The following ZNF737 variants were observed in gnomAD, a reference collection of about 807,000 sequenced individuals.
ZNF737 encodes zinc finger protein 102 (Y3).
ZNF737 carries 13 observed loss-of-function variants against 11.7 expected under a neutral mutation model. That is an observed-to-expected ratio of 1.11 (90% CI 0.73 to 1.77). ZNF737 has a LOEUF of 1.77. Among genes scored for constraint, ZNF737 ranks in the 40% most tolerant of loss-of-function variants. ZNF737 has a pLI of 0.00. For synonymous variants in ZNF737, 217 were observed against 216.2 expected (o/e 1.00, Z -0.03); for missense variants, 636 against 638.0 (o/e 1.00, Z 0.03).
At chr19:20,533,020 C>G (rs1262704805), downstream of ZNF737, among the ~76,000 whole-genome samples, 5 of 150,062 alleles carry the variant, frequency 3.3e-5, 2 homozygotes, top group African/African-American at 1.2e-4. Flanking sequence ...GATGAAAGTT[C>G]TAAAGAGAAA....
chr19:20,530,304 G>A, the ZNF737 span, among the ~76,000 whole-genome samples: 2 of 136,328 alleles, frequency 1.5e-5, no homozygotes, highest in Non-Finnish European at 3.2e-5. Flanking sequence ...AGCTGGCCGG[G>A]CGGGGGGCTG....
chr19:20,542,572 T>C lies in ZNF737; in HGVS notation c.*2020A>G, dbSNP rs771716734. On this transcript the variant is annotated 3_prime_UTR_variant, in exon 4 of 4. Transcript: ENST00000427401. Reference sequence around the variant, plus strand: ...TGCACTGCATTTTATTACATAAAAGTACAAGTAGTAAAGTAATATACTCAT... The same window carrying C: ...TGCACTGCATTTTATTACATAAAAGCACAAGTAGTAAAGTAATATACTCAT... 7.1e-5 allele frequency: 70 copies of C among 981,180 alleles called. No individual in the cohort carries two copies. Among genetic ancestry groups the C allele is most frequent in the Non-Finnish European group, 8.5e-5 (70 of 826,422 alleles). The allele number at this position is 981,180 out of a possible 1,614,324, so 60.8% of individuals were successfully genotyped here.
In ZNF737 at chr19:20,542,717, T is replaced by C; in HGVS notation, c.*1875A>G. 8 of 984,572 alleles carry C rather than the reference T, an allele frequency of 8.1e-6. No homozygotes were observed. Among genetic ancestry groups the C allele is most frequent in the Non-Finnish European group, 9.6e-6 (8 of 829,182 alleles). The allele number at this position is 984,572 out of a possible 1,614,324, so 61.0% of individuals were successfully genotyped here. ...ACAAACAGCTTCTCCACTTGTATTTTCATTATGCGTCTTACATTTTAATGT... is the reference window on the plus strand; with the variant it reads ...ACAAACAGCTTCTCCACTTGTATTTCCATTATGCGTCTTACATTTTAATGT... On this transcript the variant is annotated 3_prime_UTR_variant, in exon 4 of 4. Coordinates refer to ENST00000427401, the MANE Select transcript of ZNF737 (RefSeq NM_001159293.2).
chr19:20,542,108 T>C lies in ZNF737; in HGVS notation c.*2484A>G. 5 of 985,342 alleles carry C rather than the reference T, an allele frequency of 5.1e-6. No individual in the cohort carries two copies. The highest frequency in any genetic ancestry group is 6.0e-6 in the Non-Finnish European group (5 of 829,828). 61.0% of individuals were successfully genotyped at this position (985,342 alleles called of 1,614,324 possible). On this transcript the variant is annotated 3_prime_UTR_variant, in exon 4 of 4. Coordinates refer to ENST00000427401, the MANE Select transcript of ZNF737 (RefSeq NM_001159293.2). ...TGTATGAAATAGTATATTCCTACAATATTGTACCTACACCCTTGAGTAAAG... is the reference window on the plus strand; with the variant it reads ...TGTATGAAATAGTATATTCCTACAACATTGTACCTACACCCTTGAGTAAAG...
chr19:20,542,758 G>T lies in ZNF737; in HGVS notation c.*1834C>A, dbSNP rs188555217. 2 of 984,710 alleles carry T rather than the reference G, an allele frequency of 2.0e-6. No homozygotes were observed. The highest frequency in any genetic ancestry group is 3.5e-5 in the African/African-American group (2 of 57,252). 61.0% of individuals were successfully genotyped at this position (984,710 alleles called of 1,614,324 possible). ...ATTTTAATGTTCTTACTATTTTATA[G>T]AAAAAGTCATAATGTCCAAATAATG... On this transcript the variant is annotated 3_prime_UTR_variant, in exon 4 of 4. Transcript: ENST00000427401.
Position 20,545,126 on chromosome 19 carries a change from G to T in ZNF737, c.1077C>A (p.His359Gln), listed in dbSNP as rs33926. Residue 359 changes from histidine (H) to glutamine (Q), a missense_variant, in exon 4 of 4, where the codon CAC becomes CAA. By Grantham distance (24) the His-to-Gln change is conservative. Transcript: ENST00000427401. Reference protein sequence around the residue: ...AFKYFSSLTTHKIIHSGEKPY... With the variant: ...AFKYFSSLTTQKIIHSGEKPY... ...GTTTCTCTCCACTATGAATTATCTT[G>T]TGTGTAGTAAGGGATGAGAAGTACT... 1 of 1,602,416 alleles carries T rather than the reference G, an allele frequency of 6.2e-7. No individual in the cohort carries two copies. The highest frequency in any genetic ancestry group is 8.5e-7 in the Non-Finnish European group (1 of 1,174,358).
At position 20,538,480 on chromosome 19, in the gene ZNF737, G is replaced by A. The variant is rs1280808066; in HGVS notation, c.*6112C>T. On this transcript the variant is annotated 3_prime_UTR_variant, in exon 4 of 4. Coordinates refer to ENST00000427401, the MANE Select transcript of ZNF737 (RefSeq NM_001159293.2). Reference sequence around the variant, plus strand: ...TTCCAGCCAATGAAAACCAGACACAGCAGTAGGGTGGACACGTCAAGTTAT... The same window carrying A: ...TTCCAGCCAATGAAAACCAGACACAACAGTAGGGTGGACACGTCAAGTTAT... The A allele has an allele frequency of 1.1e-5, 2 of 187,754 alleles. No homozygotes were observed. The highest frequency in any genetic ancestry group is 4.8e-5 in the African/African-American group (2 of 42,070). The allele number at this position is 187,754 out of a possible 1,614,324, so 11.6% of individuals were successfully genotyped here.
rs1555756032 is a variant in ZNF737, at chr19:20,544,737, G to A, written c.1466C>T (p.Ala489Val). 1.3e-5 allele frequency: 21 copies of A among 1,606,476 alleles called. No homozygotes were observed. Among genetic ancestry groups the A allele is most frequent in the Non-Finnish European group, 1.7e-5 (20 of 1,177,486 alleles). ...KPYKCERCGKAFKRSFILTRH... is the reference protein window; with the variant it reads ...KPYKCERCGKVFKRSFILTRH... ...AGTAAGGATAAAGGAGCGCTTAAAA[G>A]CCTTGCCACATCGTTCACATTTGTA... Residue 489 changes from alanine (A) to valine (V), a missense_variant, in exon 4 of 4, where the codon GCT becomes GTT. By Grantham distance (64) the Ala-to-Val change is moderately conservative. Transcript: ENST00000427401.
chr19:20,547,848 C>A (rs1968512769), intron 3 of ZNF737, among the ~76,000 whole-genome samples: 1 of 152,142 alleles, frequency 6.6e-6, no homozygotes, highest in African/African-American at 2.4e-5. Flanking sequence ...TTATAAATCT[C>A]TATCCAAAAT....
chr19:20,532,423 CAT>C (rs1967852732), downstream of ZNF737, among the ~76,000 whole-genome samples: 2 of 149,778 alleles, frequency 1.3e-5, 1 homozygote, highest in East Asian at 4.0e-4. Flanking sequence ...TAGACATACC[CAT>C]GTGACTCATT....
In ZNF737 at chr19:20,545,140, A is replaced by T. The variant is rs1480834754; in HGVS notation, c.1063T>A (p.Ser355Thr). The T allele has an allele frequency of 1.2e-6, 2 of 1,602,828 alleles. No individual in the cohort carries two copies. The highest frequency in any genetic ancestry group is 1.4e-5 in the African/African-American group (1 of 71,850). ...TGAATTATCTTGTGTGTAGTAAGGG[A>T]TGAGAAGTACTTAAAGGCTCTGCCA... is the stretch of plus-strand genomic sequence containing the variant. ...ECGRAFKYFS[S>T]LTTHKIIHSG... Residue 355 changes from serine to threonine, a missense_variant, in exon 4 of 4, where the codon TCC (serine) becomes ACC (threonine). Transcript: ENST00000427401.
the ZNF737 span, among the ~76,000 whole-genome samples, chr19:20,530,383 A>G: frequency 1.4e-5 from 2 of 142,080 alleles, no homozygotes; most frequent in African/African-American, 5.3e-5. Flanking sequence ...TCCCTCCCGG[A>G]CGGGGCGACT....
In ZNF737 at chr19:20,560,299, A is replaced by G. The variant is rs563817644; in HGVS notation, c.3+5339T>C. ...GGGAGGTTGAGGCTAAAGTAAACCA[A>G]TATCATGCCATGGCACTCTAGCCTG... On this transcript the variant is annotated intron_variant, in intron 1 of 3. Transcript: ENST00000427401. Among the ~76,000 whole-genome samples, 3 of 152,230 alleles carry G rather than the reference A, an allele frequency of 2.0e-5. No individual in the cohort carries two copies. In the South Asian group the frequency reaches 6.2e-4, roughly 32 times the overall value.
chr19:20,554,976 C>CGTTCAAGTGGGTCTCCTGT (rs369990785), intron 1 of ZNF737, among the ~76,000 whole-genome samples: 3 of 151,352 alleles, frequency 2.0e-5, no homozygotes, highest in Non-Finnish European at 4.4e-5. Context: ...GGGTCTCCTG[C>CGTTCAAGTGGGTCTCCTGT]CTCAGCTTCC....
Position 20,541,905 on chromosome 19 carries a change from G to T in ZNF737, c.*2687C>A. On this transcript the variant is annotated 3_prime_UTR_variant, in exon 4 of 4. Transcript: ENST00000427401. Reference sequence around the variant, plus strand: ...TACCATAATGTAATTACTACATATTGTAGGCCTGAGTCAAAAGATGCCATA... The same window carrying T: ...TACCATAATGTAATTACTACATATTTTAGGCCTGAGTCAAAAGATGCCATA... The T allele has an allele frequency of 2.0e-6, 1 of 494,134 alleles. No homozygotes were observed. Among genetic ancestry groups the T allele is most frequent in the Non-Finnish European group, 2.6e-6 (1 of 381,702 alleles). The allele number at this position is 494,134 out of a possible 1,614,324, so 30.6% of individuals were successfully genotyped here.
In ZNF737 at chr19:20,553,766, G is replaced by A. The variant is rs782057515; in HGVS notation, c.73C>T (p.Gln25Ter). 41 of 1,613,884 alleles carry A rather than the reference G, an allele frequency of 2.5e-5. No individual in the cohort carries two copies. The highest frequency in any genetic ancestry group is 3.2e-5 in the Non-Finnish European group (38 of 1,179,966). The change falls in exon 2 of 4, where the codon CAG becomes TAG. Residue 25 changes from glutamine (Q) to a stop codon, truncating the protein, a stop_gained. Coordinates refer to ENST00000427401, the MANE Select transcript of ZNF737 (RefSeq NM_001159293.2). LOFTEE classifies it high-confidence loss of function. ...ATCACATTCCTATATAAATTCCGCT[G>A]TGCAGTGTCCAGGCAATGCCACTCC... ...LEEWHCLDTAQRNLYRNVMLE... is the reference protein window; with the variant it reads ...LEEWHCLDTA
chr19:20,561,906 A>C (rs1969111942), intron 1 of ZNF737, among the ~76,000 whole-genome samples: 1 of 152,224 alleles, frequency 6.6e-6, no homozygotes, highest in Admixed American at 6.5e-5. Flanking sequence ...GATGTTTAAC[A>C]GTTTAATATA....
At chr19:20,554,774 A>G (rs2562629) in intron 1 of ZNF737, among the ~76,000 whole-genome samples, 104,684 of 152,076 alleles carry the variant, frequency 0.69, 37,659 homozygotes, top group African/African-American at 0.91. Context: ...AATAGACTTC[A>G]TTTAGCACCC....
downstream of ZNF737, among the ~76,000 whole-genome samples, chr19:20,535,094 A>C (rs1967925039): frequency 7.3e-6 from 1 of 136,198 alleles, no homozygotes; most frequent in East Asian, 2.3e-4. Flanking sequence ...CCTGGTCAAC[A>C]TGGTGAAAGC....
Sources: allele counts gnomAD v4.1 joint callset (sites outside exome capture counted in the v4.1 genomes callset), GRCh38; gene constraint gnomAD v4.1.1; transcripts MANE v1.5; gene names NCBI Gene and HGNC (gene_info 2026-07-23, HGNC 2026-07-21).